Variants in AMD1 observed in about 807,000 individuals in gnomAD.
The protein encoded by AMD1 is adenosylmethionine decarboxylase 1, also known as S-adenosylmethionine decarboxylase proenzyme.
Under a neutral mutation model 40.2 loss-of-function variants are expected in AMD1, and 11 were observed. That is an observed-to-expected ratio of 0.27 (90% CI 0.17 to 0.45). AMD1 has a LOEUF of 0.45. AMD1 is among the 20% of genes least tolerant of loss of function. The pLI is 1.00. For synonymous variants in AMD1, 121 were observed against 130.8 expected (o/e 0.93, Z 0.51); for missense variants, 257 against 410.2 (o/e 0.63, Z 3.23).
At position 110,892,764 on chromosome 6, in the gene AMD1, T is replaced by A. The variant is rs754618846; in HGVS notation, c.645T>A (p.Gly215=). The A allele has an allele frequency of 6.2e-7, 1 of 1,613,048 alleles. No individual in the cohort carries two copies. The highest frequency in any genetic ancestry group is 1.1e-5 in the South Asian group (1 of 91,066). The part of the protein sequence containing the change: ...RESGIRDLIP[G]SVIDATMFNP... ...GTGGAATTCGTGACCTGATACCAGG[T>A]TCTGTCATTGATGCCACAATGTTCA... Residue 215 remains glycine (G), a synonymous_variant, in exon 7 of 9, where the codon GGT becomes GGA. Transcript: ENST00000368885.
chr6:110,892,779 C>T lies in AMD1; in HGVS notation c.660C>T (p.Ala220=), dbSNP rs755075033. The T allele has an allele frequency of 1.1e-5, 17 of 1,613,690 alleles. No individual in the cohort carries two copies. Among genetic ancestry groups the T allele is most frequent in the Middle Eastern group, 3.3e-4 (2 of 5,986 alleles). The change falls in exon 7 of 9, where the codon GCC becomes GCT. Residue 220 remains alanine, a synonymous_variant. Transcript: ENST00000368885. ...RDLIPGSVID[A]TMFNPCGYSM... ...TGATACCAGGTTCTGTCATTGATGC[C>T]ACAATGTTCAATCCTTGTGGGTATT...
At chr6:110,820,548 G>C in the AMD1 span, among the ~76,000 whole-genome samples, 1 of 151,324 alleles carries the variant, frequency 6.6e-6, no homozygotes, top group African/African-American at 2.4e-5. Flanking sequence ...GTAGTAAATC[G>C]TTTTTAGGGG....
the AMD1 span, among the ~76,000 whole-genome samples, chr6:110,826,292 A>AT: frequency 6.6e-6 from 1 of 151,156 alleles, no homozygotes; most frequent in Non-Finnish European, 1.5e-5. Flanking sequence ...AAAAAAAAAA[A>AT]AAAGAATCAA....
the AMD1 span, among the ~76,000 whole-genome samples, chr6:110,845,037 C>T: frequency 4.4e-5 from 6 of 135,974 alleles, no homozygotes; most frequent in East Asian, 1.5e-3. Context: ...GTGCCACAGA[C>T]CTTTTTTTTT....
At chr6:110,867,155 C>CT in the AMD1 span, among the ~76,000 whole-genome samples, 5,517 of 143,730 alleles carry the variant, frequency 0.038, 127 homozygotes, top group Middle Eastern at 0.083. Flanking sequence ...TTCTTTTTTT[C>CT]TTTTTTTTTT....
chr6:110,893,445 A>G (rs1422112570), intron 8 of AMD1, 31 bp from the exon 9 acceptor site: 6 of 1,609,396 alleles, frequency 3.7e-6, no homozygotes, highest in Non-Finnish European at 5.1e-6. Context: ...TGGATTGCAA[A>G]CACTAACGGT....
the AMD1 span, chr6:110,814,847 C>T: frequency 1.1e-6 from 1 of 899,592 alleles, no homozygotes; most frequent in Non-Finnish European, 1.7e-6. Context: ...GGGAGGCGGG[C>T]GGAACGGGCG....
At chr6:110,890,745 T>A (rs1340819293) in intron 4 of AMD1, 1 of 155,208 alleles carries the variant, frequency 6.4e-6, no homozygotes, top group African/African-American at 2.4e-5. Context: ...TGCCTTGGCC[T>A]CCCAAAGTGC....
At position 110,892,732 on chromosome 6, in the gene AMD1, C is replaced by A. The variant is rs1340760721; in HGVS notation, c.616-3C>A. ...GTTAAACTCGGTCTTTTTCCCCCCC[C>A]AGGAGAGTGGAATTCGTGACCTGAT... On this transcript the variant is annotated splice_region_variant and splice_polypyrimidine_tract_variant and intron_variant, in intron 6 of 8. Transcript: ENST00000368885. 1 of 1,612,054 alleles carries A rather than the reference C, an allele frequency of 6.2e-7. No homozygotes were observed. The highest frequency in any genetic ancestry group is 8.5e-7 in the Non-Finnish European group (1 of 1,179,182).
the AMD1 span, among the ~76,000 whole-genome samples, chr6:110,817,534 G>A: frequency 8.6e-5 from 13 of 152,036 alleles, no homozygotes; most frequent in East Asian, 1.2e-3. Context: ...CCTTGAACCC[G>A]GGAGGCAGAA....
Position 110,893,597 on chromosome 6 carries a change from A to C in AMD1, c.986A>C (p.Gln329Pro), listed in dbSNP as rs926011303. ...GTTTTTACCAGTTTTGCTAAGAAGCAGCAACAACAGCAGAGTTGATTAAGA... is the reference window on the plus strand; with the variant it reads ...GTTTTTACCAGTTTTGCTAAGAAGCCGCAACAACAGCAGAGTTGATTAAGA... ...NFVFTSFAKK[Q>P]QQQQS The change falls in exon 9 of 9, where the codon CAG becomes CCG. Residue 329 changes from glutamine (Q) to proline (P), a missense_variant. Physicochemically the swap from Gln to Pro is moderately conservative, Grantham distance 76. This residue lies in a region of AMD1 where 192 missense variants were observed against 296.5 expected (regional missense o/e 0.65). Coordinates refer to ENST00000368885, the MANE Select transcript of AMD1 (RefSeq NM_001634.6). 4.3e-6 allele frequency: 7 copies of C among 1,613,704 alleles called. No individual in the cohort carries two copies. Among genetic ancestry groups the C allele is most frequent in the Non-Finnish European group, 5.9e-6 (7 of 1,179,990 alleles).
chr6:110,866,659 T>C, the AMD1 span, among the ~76,000 whole-genome samples: 2 of 152,038 alleles, frequency 1.3e-5, no homozygotes, highest in African/African-American at 4.8e-5. Context: ...AGAAAAAAAT[T>C]AATTTTTTTT....
At chr6:110,833,233 A>G in the AMD1 span, among the ~76,000 whole-genome samples, 1 of 152,236 alleles carries the variant, frequency 6.6e-6, no homozygotes, top group Non-Finnish European at 1.5e-5. Context: ...CTCCATAGAC[A>G]TTCATAATTT....
the AMD1 span, among the ~76,000 whole-genome samples, chr6:110,838,425 C>T: frequency 6.6e-6 from 1 of 152,004 alleles, no homozygotes; most frequent in Non-Finnish European, 1.5e-5. Flanking sequence ...TAGAGATAAT[C>T]CACTTCCATA....
chr6:110,840,380 C>T, the AMD1 span, among the ~76,000 whole-genome samples: 11 of 151,172 alleles, frequency 7.3e-5, no homozygotes, highest in East Asian at 2.1e-3. Flanking sequence ...CAAGTCCAGG[C>T]CTTTGGAACT....
At position 110,893,505 on chromosome 6, in the gene AMD1, G is replaced by A. The variant is rs774982248; in HGVS notation, c.894G>A (p.Ser298=). 9.9e-6 allele frequency: 16 copies of A among 1,613,728 alleles called. No homozygotes were observed. The highest frequency in any genetic ancestry group is 8.8e-5 in the South Asian group (8 of 91,068). ...QSSKCRTVLA[S]PQKIEGFKRL... is the part of the protein sequence containing the mutation. ...CTAAATGTCGCACAGTGCTTGCTTC[G>A]CCCCAGAAGATTGAAGGTTTTAAGC... The change falls in exon 9 of 9, where the codon TCG becomes TCA. Residue 298 remains serine (S), a synonymous_variant. Coordinates refer to ENST00000368885, the MANE Select transcript of AMD1 (RefSeq NM_001634.6).
rs774982248 is a variant in AMD1, at chr6:110,893,505, G to C, written c.894G>C (p.Ser298=). 1.2e-6 allele frequency: 2 copies of C among 1,613,728 alleles called. No individual in the cohort carries two copies. Among genetic ancestry groups the C allele is most frequent in the African/African-American group, 2.7e-5 (2 of 74,888 alleles). ...QSSKCRTVLA[S]PQKIEGFKRL... Reference sequence around the variant, plus strand: ...CTAAATGTCGCACAGTGCTTGCTTCGCCCCAGAAGATTGAAGGTTTTAAGC... The same window carrying C: ...CTAAATGTCGCACAGTGCTTGCTTCCCCCCAGAAGATTGAAGGTTTTAAGC... The change falls in exon 9 of 9, where the codon TCG becomes TCC. Residue 298 remains serine (S), a synonymous_variant. Transcript: ENST00000368885.
rs1554238019 is a variant in AMD1, at chr6:110,892,730, C to CCA, written c.616-4_616-3insAC. ...TTGTTAAACTCGGTCTTTTTCCCCC[C>CCA]CCAGGAGAGTGGAATTCGTGACCTG... On this transcript the variant is annotated splice_region_variant and splice_polypyrimidine_tract_variant and intron_variant, in intron 6 of 8. Coordinates refer to ENST00000368885, the MANE Select transcript of AMD1 (RefSeq NM_001634.6). 8.1e-5 allele frequency: 131 copies of CCA among 1,611,906 alleles called. No homozygotes were observed. The Middle Eastern group carries it at 9.4e-4, about 12-fold the overall frequency.
intron 1 of AMD1, among the ~76,000 whole-genome samples, chr6:110,877,178 G>A (rs1170583852): frequency 6.6e-6 from 1 of 151,794 alleles, no homozygotes; most frequent in African/African-American, 2.4e-5. Flanking sequence ...ATGATTTAGT[G>A]CCATCCATTT....
Sources: allele counts gnomAD v4.1 joint callset (sites outside exome capture counted in the v4.1 genomes callset), GRCh38; gene constraint gnomAD v4.1.1; regional missense constraint gnomAD v4.1.1; transcripts MANE v1.5; gene names NCBI Gene and HGNC (gene_info 2026-07-23, HGNC 2026-07-21).